Variants in ARMH3 observed in about 807,000 individuals in gnomAD.
The protein encoded by ARMH3 is armadillo-like helical domain-containing protein 3.
ARMH3 carries 60 observed loss-of-function variants against 99.1 expected under a neutral mutation model. That is an observed-to-expected ratio of 0.61 (90% CI 0.49 to 0.75). The LOEUF is 0.75. Among genes scored for constraint, ARMH3 ranks in the 30% least tolerant of loss-of-function variants. ARMH3 has a pLI of 0.00. For missense variants in ARMH3, 679 were observed against 843.1 expected, an observed-to-expected ratio of 0.81 and a Z score of 2.41; for synonymous variants, 285 against 292.8, an observed-to-expected ratio of 0.97 and a Z score of 0.27.
intron 15 of ARMH3, among the ~76,000 whole-genome samples, chr10:101,997,664 A>G (rs1459133177): frequency 6.6e-6 from 1 of 152,030 alleles, no homozygotes; most frequent in Admixed American, 6.6e-5. Context: ...TAGCTTCAAC[A>G]GCATTAATGT....
At chr10:101,969,178 AAAG>A (rs1293502785) in intron 20 of ARMH3, among the ~76,000 whole-genome samples, 27 of 152,344 alleles carry the variant, frequency 1.8e-4, no homozygotes. Context: ...TTCAAAACTA[AAAG>A]AAGCAATGTT....
intron 23 of ARMH3, among the ~76,000 whole-genome samples, chr10:101,936,075 G>A (rs1843956412): frequency 6.6e-6 from 1 of 152,136 alleles, no homozygotes; most frequent in South Asian, 2.1e-4. Flanking sequence ...TTTGCTCTCT[G>A]CTAAGAGAAT....
chr10:101,899,523 T>C (rs2067922446), intron 23 of ARMH3, among the ~76,000 whole-genome samples: 1 of 152,146 alleles, frequency 6.6e-6, no homozygotes, highest in African/African-American at 2.4e-5. Context: ...TAAGCTTCCT[T>C]CTTCATGGAG....
chr10:102,054,313 C>G (rs966056355), intron 1 of ARMH3, among the ~76,000 whole-genome samples: 1 of 151,056 alleles, frequency 6.6e-6, no homozygotes, highest in African/African-American at 2.4e-5. Context: ...CGCTGGAACC[C>G]GAGAGACGGA....
intron 23 of ARMH3, among the ~76,000 whole-genome samples, chr10:101,915,820 T>A (rs1172535762): frequency 6.6e-6 from 1 of 150,698 alleles, no homozygotes; most frequent in South Asian, 2.1e-4. Context: ...TTTTTTTTTT[T>A]TGAGACGGAG....
At chr10:101,926,431 T>G (rs546931788) in intron 23 of ARMH3, among the ~76,000 whole-genome samples, 1 of 152,252 alleles carries the variant, frequency 6.6e-6, no homozygotes, top group East Asian at 1.9e-4. Flanking sequence ...GCGCTGGGAT[T>G]ACAAGTGTGA....
intron 20 of ARMH3, among the ~76,000 whole-genome samples, chr10:101,958,205 T>C (rs917183377): frequency 2.0e-5 from 3 of 152,202 alleles, no homozygotes; most frequent in Non-Finnish European, 2.9e-5. Flanking sequence ...TCACCAGATA[T>C]AGCAGCTATA....
At chr10:102,013,170 G>T (rs1249861409) in intron 9 of ARMH3, among the ~76,000 whole-genome samples, 2 of 152,140 alleles carry the variant, frequency 1.3e-5, no homozygotes, top group African/African-American at 4.8e-5. Flanking sequence ...TTTTCACTTT[G>T]AAAGAGAAGA....
chr10:102,029,525 A>G, intron 5 of ARMH3, 113 bp downstream of exon 5: 2 of 1,603,122 alleles, frequency 1.2e-6, no homozygotes, highest in Non-Finnish European at 1.7e-6. Flanking sequence ...GCCAAATTCA[A>G]TCATCTGTAT....
intron 20 of ARMH3, among the ~76,000 whole-genome samples, chr10:101,961,542 G>C (rs752620576): frequency 1.3e-4 from 20 of 152,070 alleles, no homozygotes; most frequent in Non-Finnish European, 2.6e-4. Flanking sequence ...CTTTGCACAG[G>C]GTTTATGCCA....
intron 19 of ARMH3, among the ~76,000 whole-genome samples, chr10:101,989,076 G>A (rs963656513): frequency 6.6e-6 from 1 of 152,112 alleles, no homozygotes; most frequent in Non-Finnish European, 1.5e-5. Flanking sequence ...ATCGGAGGGA[G>A]CAATTCTGAT....
intron 14 of ARMH3, among the ~76,000 whole-genome samples, chr10:102,002,828 G>A (rs2066393393): frequency 6.6e-6 from 1 of 151,792 alleles, no homozygotes; most frequent in South Asian, 2.1e-4. Flanking sequence ...GGGCATGGTG[G>A]TCGGTGCCTA....
chr10:102,055,196 C>A (rs540230334), intron 1 of ARMH3, among the ~76,000 whole-genome samples: 1 of 152,010 alleles, frequency 6.6e-6, no homozygotes, highest in South Asian at 2.1e-4. Context: ...TAGCGCAAGG[C>A]TGAGGCAGGA....
chr10:102,025,271 A>G (rs369490406), intron 5 of ARMH3, 23 bp from the exon 6 acceptor site: 16 of 1,594,096 alleles, frequency 1.0e-5, no homozygotes, highest in Non-Finnish European at 1.4e-5. Context: ...ACCAATAAGC[A>G]TTAAACCATA....
intron 24 of ARMH3, among the ~76,000 whole-genome samples, chr10:101,868,681 T>G (rs150495499): frequency 3.9e-5 from 6 of 152,360 alleles, no homozygotes; most frequent in African/African-American, 1.4e-4. Flanking sequence ...TTCCTTATGA[T>G]TCTCTTAATA....
At chr10:101,965,438 AT>A (rs1259008056) in intron 20 of ARMH3, among the ~76,000 whole-genome samples, 1 of 152,252 alleles carries the variant, frequency 6.6e-6, no homozygotes, top group African/African-American at 2.4e-5. Flanking sequence ...CAAATTCAAA[AT>A]GAACCCCGGG....
chr10:102,002,145 T>A, intron 14 of ARMH3, 73 bp from the exon 15 acceptor site: 1 of 1,577,966 alleles, frequency 6.3e-7, no homozygotes, highest in South Asian at 1.2e-5. Flanking sequence ...CATAGCCAAT[T>A]TGCCAGCAGG....
rs1258639815 is a variant in ARMH3 at position 102,021,691 on chromosome 10, G to A, written c.669+1786C>T. ...GCCTCCCGAGTAGCTGGGACTACAG[G>A]TGCCCGCCACTACGCCCGGCTAATT... is the stretch of plus-strand genomic sequence containing the variant. On this transcript the variant is annotated intron_variant, in intron 8 of 25. Coordinates refer to ENST00000370033, the MANE Select transcript of ARMH3 (RefSeq NM_024541.3). Among the ~76,000 whole-genome samples, 4 of 152,028 alleles carry A rather than the reference G, an allele frequency of 2.6e-5. No individual in the cohort carries two copies. The East Asian group carries it at 7.8e-4, about 29-fold the overall frequency.
At chr10:102,021,360 G>A (rs767203033) in intron 8 of ARMH3, among the ~76,000 whole-genome samples, 23 of 150,610 alleles carry the variant, frequency 1.5e-4, no homozygotes, top group Admixed American at 2.7e-4. Flanking sequence ...GATTACAGGC[G>A]TAAGCTACCG....
Sources: allele counts gnomAD v4.1 joint callset (sites outside exome capture counted in the v4.1 genomes callset), GRCh38; gene constraint gnomAD v4.1.1; transcripts MANE v1.5; gene names NCBI Gene and HGNC (gene_info 2026-07-23, HGNC 2026-07-21).